Variants in ANTXRL observed in about 807,000 individuals in gnomAD.
The protein encoded by ANTXRL is anthrax toxin receptor-like.
In ANTXRL, 63 loss-of-function variants were observed where a neutral mutation model predicts 75.4. That is an observed-to-expected ratio of 0.84 (90% CI 0.68 to 1.03). The LOEUF (loss-of-function observed/expected upper bound fraction) is 1.03, where lower values mean the gene tolerates loss of function less well. Among genes scored for constraint, ANTXRL ranks in the 50% least tolerant of loss-of-function variants. The pLI is 0.00. For synonymous variants in ANTXRL, 335 were observed against 291.3 expected, an observed-to-expected ratio of 1.15 and a Z score of -1.53; for missense variants, 797 against 789.4, an observed-to-expected ratio of 1.01 and a Z score of -0.12.
Position 46,287,144 on chromosome 10 carries a change from G to A in ANTXRL, c.-119G>A, listed in dbSNP as rs1554955373. On this transcript the variant is annotated 5_prime_UTR_variant, in exon 1 of 17. Transcript: ENST00000620264. ...ATAGTGTGCACTGGTGAAAGGGCAG[G>A]AGGAGGGGTGTGGCCCCGGGCATAA... is the stretch of plus-strand genomic sequence containing the variant. The A allele has an allele frequency of 1.5e-6, 2 of 1,314,884 alleles. No individual in the cohort carries two copies. Among genetic ancestry groups the A allele is most frequent in the Non-Finnish European group, 1.0e-6 (1 of 983,514 alleles). 81.5% of individuals were successfully genotyped at this position (1,314,884 alleles called of 1,614,324 possible). A position where few individuals can be genotyped will look rare whatever the true frequency, so the allele number is the denominator to read the frequency against.
At chr10:46,293,973 C>T in intron 3 of ANTXRL, 73 bp downstream of exon 3, 6 of 1,400,772 alleles carry the variant, frequency 4.3e-6, no homozygotes, top group Non-Finnish European at 5.8e-6. Flanking sequence ...AGCTGAAGGG[C>T]TCCCGGAGAC....
intron 9 of ANTXRL, among the ~76,000 whole-genome samples, chr10:46,298,399 T>G (rs1436481895): frequency 6.6e-6 from 1 of 151,236 alleles, no homozygotes; most frequent in Non-Finnish European, 1.5e-5. Context: ...GTGGTGTGTG[T>G]GGGGTGTGCA....
chr10:46,303,507 G>A (rs534446326), intron 10 of ANTXRL, among the ~76,000 whole-genome samples: 14 of 152,054 alleles, frequency 9.2e-5, no homozygotes, highest in South Asian at 4.1e-4. Flanking sequence ...ATCCCAAACC[G>A]CAAATTTGAA....
Position 46,290,473 on chromosome 10 carries a change from C to T in ANTXRL, c.249-1585C>T, listed in dbSNP as rs548512616. ...TACTCTCACTTCTTTTTGGTATATG[C>T]CAGGGAGTGCAATTGATGGATCCTA... is the stretch of plus-strand genomic sequence containing the variant. On this transcript the variant is annotated intron_variant, in intron 1 of 16. Transcript: ENST00000620264. 2.0e-5 allele frequency among the ~76,000 whole-genome samples: 3 copies of T among 152,280 alleles called. No individual in the cohort carries two copies. The East Asian group carries it at 5.8e-4, about 29-fold the overall frequency.
chr10:46,307,873 C>A (rs1448466785), intron 12 of ANTXRL, among the ~76,000 whole-genome samples: 1 of 152,126 alleles, frequency 6.6e-6, no homozygotes, highest in Non-Finnish European at 1.5e-5. Context: ...CCCCTTTCTG[C>A]CTCTCCTCCT....
At chr10:46,327,230 C>T (rs1554966681) in intron 16 of ANTXRL, among the ~76,000 whole-genome samples, 1 of 152,060 alleles carries the variant, frequency 6.6e-6, no homozygotes, top group African/African-American at 2.4e-5. Flanking sequence ...TATGGAGACC[C>T]CAGGAACCTG....
At chr10:46,325,032 C>T (rs1293110799) in intron 16 of ANTXRL, among the ~76,000 whole-genome samples, 1 of 152,074 alleles carries the variant, frequency 6.6e-6, no homozygotes, top group Non-Finnish European at 1.5e-5. Flanking sequence ...GATTTGTTGG[C>T]TTTTTAAAGT....
At chr10:46,306,974 A>G (rs1179876213) in intron 11 of ANTXRL, 102 bp downstream of exon 11, 1 of 1,000,732 alleles carries the variant, frequency 1.0e-6, no homozygotes, top group South Asian at 1.7e-5. Context: ...CCCTGCTGGG[A>G]CAGCACATAT....
chr10:46,317,312 A>C (rs782725865), intron 16 of ANTXRL, among the ~76,000 whole-genome samples: 15 of 152,202 alleles, frequency 9.9e-5, no homozygotes, highest in Non-Finnish European at 2.1e-4. Context: ...AACAGCTTCT[A>C]ATGAGAATTT....
At position 46,298,490 on chromosome 10, in the gene ANTXRL, G is replaced by T. The variant is rs556945804; in HGVS notation, c.796+428G>T. ...GGTGCTGTGTAATATGCATGTGGGGGTGTGAGTGTACGTAGGGAGCATATA... is the reference window on the plus strand; with the variant it reads ...GGTGCTGTGTAATATGCATGTGGGGTTGTGAGTGTACGTAGGGAGCATATA... On this transcript the variant is annotated intron_variant, in intron 9 of 16. Transcript: ENST00000620264. Among the ~76,000 whole-genome samples, 5 of 151,712 alleles carry T rather than the reference G, an allele frequency of 3.3e-5. 1 individual carries two copies. Among genetic ancestry groups the T allele is most frequent in the African/African-American group, 1.2e-4 (5 of 41,286 alleles).
At position 46,287,304 on chromosome 10, in the gene ANTXRL, C is replaced by CCTG. The variant is rs782052803; in HGVS notation, c.57_59dup (p.Leu20dup). On this transcript the variant is annotated inframe_insertion, in exon 1 of 17. Coordinates refer to ENST00000620264, the MANE Select transcript of ANTXRL (RefSeq NM_001278688.3). ...CCCTGGGGCCCTACTTCCTGGTCTTCCTGCTGCTGCTGCTGCTTCCTCCAC... is the reference window on the plus strand; with the variant it reads ...CCCTGGGGCCCTACTTCCTGGTCTTCCTGCTGCTGCTGCTGCTGCTTCCTCCAC... 2.0e-5 allele frequency: 30 copies of CCTG among 1,535,688 alleles called. No individual in the cohort carries two copies. The highest frequency in any genetic ancestry group is 5.9e-5 in the Admixed American group (3 of 50,952).
intron 9 of ANTXRL, among the ~76,000 whole-genome samples, chr10:46,302,178 C>T (rs1468378439): frequency 1.3e-5 from 2 of 152,172 alleles, no homozygotes; most frequent in African/African-American, 4.8e-5. Flanking sequence ...CCACCTGAGT[C>T]CTGGCCCTGA....
In ANTXRL at chr10:46,298,042, C is replaced by T; in HGVS notation, c.776C>T (p.Pro259Leu). The stretch of plus-strand genomic sequence containing the variant: ...TGTCTTGATGTGACATCGGTGGAGC[C>T]TTCCTCTGAGTGTGTAGGAGGTGAG... ...KVCLDVTSVE[P>L]SSECVGEPYH... is the part of the protein sequence containing the mutation. The change falls in exon 9 of 17, where the codon CCT becomes CTT. Residue 259 changes from proline (P) to leucine (L), a missense_variant. Pro to Leu is a moderately conservative substitution (Grantham distance 98, BLOSUM62 -3). This residue lies in a region of ANTXRL where 56 missense variants were observed against 95.5 expected (regional missense o/e 0.59). Coordinates refer to ENST00000620264, the MANE Select transcript of ANTXRL (RefSeq NM_001278688.3). The T allele has an allele frequency of 1.3e-6, 2 of 1,535,808 alleles. No individual in the cohort carries two copies. Among genetic ancestry groups the T allele is most frequent in the Non-Finnish European group, 1.7e-6 (2 of 1,146,708 alleles).
At chr10:46,297,749 G>A (rs1837470028) in intron 7 of ANTXRL, 82 bp from the exon 8 acceptor site, 2 of 1,250,782 alleles carry the variant, frequency 1.6e-6, no homozygotes, top group Non-Finnish European at 2.2e-6. Flanking sequence ...AAGCATGAGG[G>A]CAAGACACTG....
chr10:46,327,762 G>A lies in ANTXRL; in HGVS notation c.1411-1837G>A, dbSNP rs116340719. 1.0e-2 allele frequency among the ~76,000 whole-genome samples: 1,518 copies of A among 152,212 alleles called. 33 individuals are homozygous for A. The highest frequency in any genetic ancestry group is 0.032 in the African/African-American group (1,344 of 41,510). The stretch of plus-strand genomic sequence containing the variant: ...GTGGAACACCTGTGAGGAATGGAGC[G>A]TTTCCTTGGGACCATCAGGCTGAGA... On this transcript the variant is annotated intron_variant, in intron 16 of 16. Coordinates refer to ENST00000620264, the MANE Select transcript of ANTXRL (RefSeq NM_001278688.3).
At chr10:46,303,171 C>T (rs1398610738) in intron 10 of ANTXRL, among the ~76,000 whole-genome samples, 1 of 152,186 alleles carries the variant, frequency 6.6e-6, no homozygotes, top group Non-Finnish European at 1.5e-5. Context: ...CACAAGGCTA[C>T]TTCTAGGAAA....
chr10:46,309,190 G>T lies in ANTXRL; in HGVS notation c.1122G>T (p.Leu374=). 1 of 1,535,798 alleles carries T rather than the reference G, an allele frequency of 6.5e-7. No homozygotes were observed. The highest frequency in any genetic ancestry group is 8.7e-7 in the Non-Finnish European group (1 of 1,146,720). The change falls in exon 13 of 17, where the codon CTG becomes CTT. Residue 374 remains leucine, a synonymous_variant. Transcript: ENST00000620264. Reference sequence around the variant, plus strand: ...TGCTGCTGTGTTGTGTCTGGCGGCTGTGCCGCAAGCAGGCAAGTGCTCCCT... The same window carrying T: ...TGCTGCTGTGTTGTGTCTGGCGGCTTTGCCGCAAGCAGGCAAGTGCTCCCT... ...VPLLLCCVWR[L]CRKQTVKEPP... is the part of the protein sequence containing the mutation.
intron 9 of ANTXRL, among the ~76,000 whole-genome samples, chr10:46,299,252 A>G (rs3125091): frequency 1.3e-5 from 2 of 152,140 alleles, no homozygotes; most frequent in Non-Finnish European, 2.9e-5. Flanking sequence ...ACAGCACCCT[A>G]TGAGCAGAAG....
At position 46,319,610 on chromosome 10, in the gene ANTXRL, C is replaced by CCA. The variant is rs538494218; in HGVS notation, c.1410+6295_1410+6296dup. On this transcript the variant is annotated intron_variant, in intron 16 of 16. Coordinates refer to ENST00000620264, the MANE Select transcript of ANTXRL (RefSeq NM_001278688.3). Reference sequence around the variant, plus strand: ...ATAGTCTTTGTTCAGGGTGTACAGGCCATAATTCACTGTAAAATGGCCTGA... The same window carrying CCA: ...ATAGTCTTTGTTCAGGGTGTACAGGCCACATAATTCACTGTAAAATGGCCTGA... 1.4e-4 allele frequency among the ~76,000 whole-genome samples: 22 copies of CCA among 152,226 alleles called. No homozygotes were observed. The South Asian group carries it at 4.4e-3, about 30-fold the overall frequency.
Sources: allele counts gnomAD v4.1 joint callset (sites outside exome capture counted in the v4.1 genomes callset), GRCh38; gene constraint gnomAD v4.1.1; regional missense constraint gnomAD v4.1.1; transcripts MANE v1.5; gene names NCBI Gene and HGNC (gene_info 2026-07-23, HGNC 2026-07-21).